The following DOCK3 variants were observed in gnomAD, a reference collection of about 807,000 sequenced individuals.
The protein encoded by DOCK3 is dedicator of cytokinesis 3.
DOCK3 carries 60 observed loss-of-function variants against 265.6 expected under a neutral mutation model. The observed-to-expected ratio is 0.23, with a 90% CI of 0.18 to 0.28. The LOEUF is 0.28. Ranked by LOEUF, DOCK3 falls within the 10% of genes least tolerant of loss-of-function variation. The pLI, the probability that DOCK3 is intolerant of heterozygous loss-of-function variation, is 1.00. For missense variants in DOCK3, 1,981 were observed against 2,594.3 expected (o/e 0.76, Z 5.14); for synonymous variants, 881 against 938.0 (o/e 0.94, Z 1.11).
chr3:51,267,738 A>G (rs1459794453), intron 23 of DOCK3, among the ~76,000 whole-genome samples: 2 of 152,092 alleles, frequency 1.3e-5, no homozygotes, highest in African/African-American at 4.8e-5. Context: ...TTTGGAACCA[A>G]CCCAAATGCC....
intron 14 of DOCK3, among the ~76,000 whole-genome samples, chr3:51,220,566 A>T (rs2090023917): frequency 6.6e-6 from 1 of 150,890 alleles, no homozygotes; most frequent in African/African-American, 2.4e-5. Context: ...CTGAGGCTGG[A>T]GAATCGCTTG....
chr3:51,148,593 A>C (rs970029287), intron 10 of DOCK3, among the ~76,000 whole-genome samples: 1 of 152,230 alleles, frequency 6.6e-6, no homozygotes, highest in Non-Finnish European at 1.5e-5. Flanking sequence ...CATTTATTAC[A>C]TAGGGAATCC....
At chr3:50,848,414 G>A (rs894865364) in intron 3 of DOCK3, among the ~76,000 whole-genome samples, 2 of 152,200 alleles carry the variant, frequency 1.3e-5, no homozygotes, top group African/African-American at 4.8e-5. Flanking sequence ...GTGTGGTTGT[G>A]TGACAGCAGG....
In DOCK3 at chr3:51,350,434, G is replaced by A. The variant is rs371787495; in HGVS notation, c.4107+42G>A. 1.5e-5 allele frequency: 23 copies of A among 1,581,208 alleles called. No homozygotes were observed. In the Admixed American group the frequency reaches 1.5e-4, roughly 10 times the overall value. On this transcript the variant is annotated intron_variant, in intron 40 of 52. Coordinates refer to ENST00000266037, the MANE Select transcript of DOCK3 (RefSeq NM_004947.5). ...GGTCACAAGAACTTATATATTTTAC[G>A]CATAATTCACTTAAAACCGATATTC...
intron 2 of DOCK3, among the ~76,000 whole-genome samples, chr3:50,799,177 A>G (rs974894912): frequency 6.6e-6 from 1 of 152,068 alleles, no homozygotes; most frequent in African/African-American, 2.4e-5. Flanking sequence ...TTTTTGCCCA[A>G]GATTGCTTTG....
chr3:50,902,895 G>A (rs572799117), intron 4 of DOCK3, among the ~76,000 whole-genome samples: 4 of 152,270 alleles, frequency 2.6e-5, no homozygotes, highest in Admixed American at 2.0e-4. Flanking sequence ...CACCTGTCTG[G>A]TTAGTGATAT....
At chr3:51,103,362 C>T (rs1471480017) in intron 9 of DOCK3, among the ~76,000 whole-genome samples, 1 of 152,186 alleles carries the variant, frequency 6.6e-6, no homozygotes, top group Non-Finnish European at 1.5e-5. Flanking sequence ...ATTCTAGCAT[C>T]TCAAAAAGTG....
chr3:50,782,680 G>A (rs377745291), intron 2 of DOCK3, among the ~76,000 whole-genome samples: 1 of 151,232 alleles, frequency 6.6e-6, no homozygotes, highest in Non-Finnish European at 1.5e-5. Context: ...AGTGGTGTTT[G>A]GTTACATGAG....
At chr3:51,274,604 T>G (rs551878056) in intron 24 of DOCK3, among the ~76,000 whole-genome samples, 2 of 152,110 alleles carry the variant, frequency 1.3e-5, no homozygotes, top group South Asian at 4.2e-4. Context: ...TAGTGAGACC[T>G]CATCTCTACA....
intron 2 of DOCK3, among the ~76,000 whole-genome samples, chr3:50,784,885 G>A (rs766144830): frequency 9.2e-5 from 14 of 152,052 alleles, no homozygotes; most frequent in Non-Finnish European, 1.3e-4. Flanking sequence ...GGCCAGGCAC[G>A]GTGGCTCACG....
At chr3:51,142,879 GTA>G (rs1212559059) in intron 9 of DOCK3, among the ~76,000 whole-genome samples, 1 of 151,874 alleles carries the variant, frequency 6.6e-6, no homozygotes, top group East Asian at 1.9e-4. Flanking sequence ...CCAACCTTTG[GTA>G]TATTCATTCT....
intron 5 of DOCK3, among the ~76,000 whole-genome samples, chr3:50,965,004 A>G (rs927164396): frequency 6.6e-6 from 1 of 152,110 alleles, no homozygotes; most frequent in African/African-American, 2.4e-5. Flanking sequence ...GATGTTTTAG[A>G]TATAAACTAA....
chr3:51,311,091 G>A (rs994424013), intron 28 of DOCK3, among the ~76,000 whole-genome samples: 28 of 152,338 alleles, frequency 1.8e-4, no homozygotes, highest in African/African-American at 6.7e-4. Context: ...AAGTTGCACA[G>A]ATACTTCCTC....
At chr3:51,342,302 A>C (rs1030887631) in intron 38 of DOCK3, among the ~76,000 whole-genome samples, 2 of 152,238 alleles carry the variant, frequency 1.3e-5, no homozygotes, top group Non-Finnish European at 2.9e-5. Flanking sequence ...CAGAGAATGC[A>C]CTGGTAAGCA....
In DOCK3 at chr3:50,724,385, T is replaced by C. The variant is rs146629483; in HGVS notation, c.37+49085T>C. ...TTATAAATCATTCTATAAAGACACA[T>C]GCACACGTATGTTTATTGCAGCACT... On this transcript the variant is annotated intron_variant, in intron 1 of 52. Coordinates refer to ENST00000266037, the MANE Select transcript of DOCK3 (RefSeq NM_004947.5). Among the ~76,000 whole-genome samples the C allele has an allele frequency of 2.7e-3, 418 of 152,232 alleles. 1 individual carries two copies. Among genetic ancestry groups the C allele is most frequent in the African/African-American group, 9.6e-3 (399 of 41,556 alleles).
chr3:51,151,322 A>G (rs976349246), intron 10 of DOCK3, among the ~76,000 whole-genome samples: 5 of 152,090 alleles, frequency 3.3e-5, no homozygotes, highest in East Asian at 1.9e-4. Context: ...TTTAAGGTCA[A>G]TATTGTTATG....
intron 3 of DOCK3, among the ~76,000 whole-genome samples, chr3:50,869,370 TTTTTTTTTTTTTTTTTTTTTG>T (rs1292577459): frequency 3.8e-5 from 2 of 52,150 alleles, no homozygotes; most frequent in African/African-American, 1.5e-4. Flanking sequence ...TTTTTTTTTT[TTTTTTTTTTTTTTTTTTTTTG>T]GAGATAGGGT....
intron 1 of DOCK3, among the ~76,000 whole-genome samples, chr3:50,688,485 T>A (rs938674361): frequency 2.0e-5 from 3 of 152,164 alleles, no homozygotes; most frequent in African/African-American, 4.8e-5. Context: ...TTTTGTGAGA[T>A]GGAGTCTTGC....
At chr3:50,889,900 C>A (rs2048561656) in intron 3 of DOCK3, 126 bp from the exon 4 acceptor site, 1 of 667,676 alleles carries the variant, frequency 1.5e-6, no homozygotes, top group African/African-American at 1.9e-5. Flanking sequence ...ACTTAATATG[C>A]AAAGTGGTTG....
Sources: gnomAD v4.1 joint callset for allele counts (sites outside exome capture counted in the v4.1 genomes callset) on GRCh38, gnomAD v4.1.1 for gene constraint, MANE v1.5 for transcripts, NCBI Gene and HGNC (gene_info 2026-07-23, HGNC 2026-07-21) for gene names.